The following COL21A1 variants were observed in gnomAD, a reference collection of about 807,000 sequenced individuals.
COL21A1 encodes the protein collagen alpha-1(XXI) chain.
In COL21A1, 149 loss-of-function variants were observed where a neutral mutation model predicts 137.9. The observed-to-expected ratio is 1.08, with a 90% CI of 0.95 to 1.24. COL21A1 has a LOEUF of 1.24. Ranked by LOEUF, COL21A1 falls within the 50% of genes most tolerant of loss-of-function variation. The pLI is 0.00. For synonymous variants in COL21A1, 456 were observed against 391.5 expected, an observed-to-expected ratio of 1.16 and a Z score of -1.95; for missense variants, 1,167 against 1,158.4, an observed-to-expected ratio of 1.01 and a Z score of -0.11.
intron 17 of COL21A1, among the ~76,000 whole-genome samples, chr6:56,099,016 A>G (rs896193547): frequency 6.7e-6 from 1 of 149,786 alleles, no homozygotes; most frequent in Admixed American, 6.7e-5. Context: ...CACCCGGCCT[A>G]TGTTTAATAT....
chr6:56,126,347 A>G (rs2152214645), intron 12 of COL21A1, 198 bp from the exon 13 acceptor site: 1 of 489,572 alleles, frequency 2.0e-6, no homozygotes, highest in East Asian at 4.0e-5. Context: ...AGAGAAGATA[A>G]GTATTTTGGA....
At chr6:56,217,835 C>T (rs1780584526) in intron 1 of COL21A1, among the ~76,000 whole-genome samples, 1 of 152,096 alleles carries the variant, frequency 6.6e-6, no homozygotes. Context: ...CAGAGCAAAA[C>T]CATTCCAACT....
intron 10 of COL21A1, among the ~76,000 whole-genome samples, chr6:56,143,768 C>G (rs1366000167): frequency 6.6e-6 from 1 of 152,144 alleles, no homozygotes; most frequent in Admixed American, 6.5e-5. Flanking sequence ...GGATTATGAG[C>G]CCCCTTGAGA....
intron 1 of COL21A1, among the ~76,000 whole-genome samples, chr6:56,389,097 T>A (rs2094024158): frequency 6.6e-6 from 1 of 152,146 alleles, no homozygotes; most frequent in African/African-American, 2.4e-5. Flanking sequence ...GCGTGGTGGC[T>A]CATGCCTATA....
chr6:56,208,564 G>A lies in COL21A1; in HGVS notation c.-38-25908C>T, dbSNP rs370947323. On this transcript the variant is annotated intron_variant, in intron 1 of 29. Coordinates refer to ENST00000244728, the MANE Select transcript of COL21A1 (RefSeq NM_030820.4). ...GAAAAACATTCCATGCTCATGGATA[G>A]GAAGAATCAATATCGTGAAAATGAC... Among the ~76,000 whole-genome samples the A allele has an allele frequency of 1.5e-4, 23 of 152,270 alleles. 2 individuals are homozygous for A. The highest frequency in any genetic ancestry group is 5.5e-4 in the African/African-American group (23 of 41,542).
intron 1 of COL21A1, among the ~76,000 whole-genome samples, chr6:56,200,802 C>A (rs1167201494): frequency 6.6e-6 from 1 of 152,012 alleles, no homozygotes; most frequent in South Asian, 2.1e-4. Flanking sequence ...GATTTATAAT[C>A]CTTTGGGTAT....
chr6:56,192,835 T>C (rs1355785674), intron 1 of COL21A1, among the ~76,000 whole-genome samples: 1 of 151,696 alleles, frequency 6.6e-6, no homozygotes, highest in Non-Finnish European at 1.5e-5. Flanking sequence ...CCCAGGATTA[T>C]AAATCATTCT....
At chr6:56,248,440 C>T (rs1011089588), upstream of COL21A1, among the ~76,000 whole-genome samples, 1 of 152,180 alleles carries the variant, frequency 6.6e-6, no homozygotes, top group African/African-American at 2.4e-5. Context: ...CCTGTACATC[C>T]CATCCAAATG....
intron 16 of COL21A1, 50 bp from the exon 17 acceptor site, chr6:56,101,575 C>CA: frequency 7.6e-7 from 1 of 1,315,936 alleles, no homozygotes; most frequent in Non-Finnish European, 1.1e-6. Flanking sequence ...TTGAGGTCTG[C>CA]TTACCAAAAT....
chr6:56,184,784 G>A (rs1024489488), intron 1 of COL21A1, among the ~76,000 whole-genome samples: 42 of 152,076 alleles, frequency 2.8e-4, no homozygotes, highest in African/African-American at 9.2e-4. Flanking sequence ...GAAGTTTTGC[G>A]GAAATGCTTT....
intron 16 of COL21A1, among the ~76,000 whole-genome samples, chr6:56,112,026 A>G (rs1467571411): frequency 6.6e-6 from 1 of 152,170 alleles, no homozygotes; most frequent in Non-Finnish European, 1.5e-5. Context: ...TTTACACCAC[A>G]CAATTTCAAG....
chr6:56,270,458 C>A (rs140356106), intron 1 of COL21A1, among the ~76,000 whole-genome samples: 26 of 152,254 alleles, frequency 1.7e-4, no homozygotes, highest in African/African-American at 6.0e-4. Flanking sequence ...GACAGCCATA[C>A]AATAATAATG....
chr6:56,310,060 G>A (rs1764571703), intron 1 of COL21A1, among the ~76,000 whole-genome samples: 1 of 152,188 alleles, frequency 6.6e-6, no homozygotes, highest in African/African-American at 2.4e-5. Context: ...ATTGATAACT[G>A]AGTGAAAGGG....
In COL21A1 at chr6:56,245,680, G is replaced by A. The variant is rs559623626; in HGVS notation, c.-39+1707C>T. 7.2e-5 allele frequency among the ~76,000 whole-genome samples: 11 copies of A among 152,266 alleles called. No homozygotes were observed. The South Asian group carries it at 1.9e-3, about 26-fold the overall frequency. On this transcript the variant is annotated intron_variant, in intron 1 of 29. Coordinates refer to ENST00000244728, the MANE Select transcript of COL21A1 (RefSeq NM_030820.4). ...TTCACAGATAAGGAAAATGAGGCTCGGAGAAGCTATGCAACTATCCAAGAG... is the reference window on the plus strand; with the variant it reads ...TTCACAGATAAGGAAAATGAGGCTCAGAGAAGCTATGCAACTATCCAAGAG...
intron 16 of COL21A1, among the ~76,000 whole-genome samples, chr6:56,106,395 A>G (rs1770895566): frequency 6.6e-6 from 1 of 152,180 alleles, no homozygotes; most frequent in Non-Finnish European, 1.5e-5. Flanking sequence ...TTATCTGTGT[A>G]TAACTGCTTA....
At chr6:56,382,085 A>G (rs2094009594) in intron 1 of COL21A1, among the ~76,000 whole-genome samples, 1 of 152,208 alleles carries the variant, frequency 6.6e-6, no homozygotes, top group East Asian at 1.9e-4. Context: ...CGATTTTACC[A>G]CCACTAGGGC....
chr6:56,097,830 T>TATATAA (rs1769530327), intron 17 of COL21A1, among the ~76,000 whole-genome samples: 2 of 50,390 alleles, frequency 4.0e-5, no homozygotes, highest in Admixed American at 2.6e-4. Context: ...TACATATAAA[T>TATATAA]ATATATAAAT....
rs117165774 is a variant in COL21A1, at chr6:56,375,727, A to C, written c.-39+18244T>G. Among the ~76,000 whole-genome samples the C allele has an allele frequency of 1.1e-3, 164 of 152,334 alleles. 1 individual carries two copies. In the East Asian group the frequency reaches 0.022, roughly 20 times the overall value. ...ACCACGACTGATGCAAAATCAAATC[A>C]AAATATTCCCTGAAAGACTTCATTA... On this transcript the variant is annotated intron_variant, in intron 1 of 28. Coordinates refer to the COL21A1 transcript ENST00000370819.
chr6:56,057,776 C>T lies in COL21A1; in HGVS notation c.2755G>A (p.Gly919Arg). ...PGDPGLPGKD[G>R]DHGKPGIQGQ... ...TGGATTCCAGGTTTTCCATGGTCTCCATCTTTGCCAGGGAGACCTGGGTCT... is the reference window on the plus strand; with the variant it reads ...TGGATTCCAGGTTTTCCATGGTCTCTATCTTTGCCAGGGAGACCTGGGTCT... Residue 919 changes from glycine (G) to arginine (R), a missense_variant, in exon 30 of 30, where the codon GGA becomes AGA. By Grantham distance (125) the Gly-to-Arg change is moderately radical. Transcript: ENST00000244728. 6.2e-7 allele frequency: 1 copy of T among 1,608,176 alleles called. No individual in the cohort carries two copies. The highest frequency in any genetic ancestry group is 1.1e-5 in the South Asian group (1 of 90,136).
Sources: gnomAD v4.1 joint callset for allele counts (sites outside exome capture counted in the v4.1 genomes callset) on GRCh38, gnomAD v4.1.1 for gene constraint, MANE v1.5 for transcripts, NCBI Gene and HGNC (gene_info 2026-07-23, HGNC 2026-07-21) for gene names.